The following STK31 variants were observed in gnomAD, a reference collection of about 807,000 sequenced individuals.
STK31 encodes serine/threonine-protein kinase 31.
STK31 carries 89 observed loss-of-function variants against 129.7 expected under a neutral mutation model. The observed-to-expected ratio is 0.69, with a 90% CI of 0.58 to 0.82. The LOEUF is 0.82. Ranked by LOEUF, STK31 falls within the 40% of genes least tolerant of loss-of-function variation. The pLI, the probability that STK31 is intolerant of heterozygous loss-of-function variation, is 0.00. For missense variants in STK31, 1,187 were observed against 1,176.4 expected (o/e 1.01, Z -0.13); for synonymous variants, 448 against 395.3 (o/e 1.13, Z -1.58).
At position 23,710,333 on chromosome 7, in the gene STK31, G is replaced by T. The variant is rs768174309; in HGVS notation, c.48G>T (p.Val16=). ...CTAGAGCTTCCGCAACGGAAAGTGT[G>T]AGGTCAGTAGTAGTTTTTGTGGTAC... is the stretch of plus-strand genomic sequence containing the variant. ...HSSRASATES[V]SFSGIVQMDE... The change falls in exon 1 of 24, where the codon GTG becomes GTT. Residue 16 remains valine, a splice_region_variant and synonymous_variant. Transcript: ENST00000355870. 3.7e-6 allele frequency: 6 copies of T among 1,613,400 alleles called. No individual in the cohort carries two copies. The highest frequency in any genetic ancestry group is 5.1e-6 in the Non-Finnish European group (6 of 1,179,946).
chr7:23,748,791 G>A (rs529499511), intron 8 of STK31, among the ~76,000 whole-genome samples: 1 of 152,228 alleles, frequency 6.6e-6, no homozygotes, highest in Non-Finnish European at 1.5e-5. Context: ...CTAACTGATG[G>A]CTTGTCTTAT....
Position 23,786,650 on chromosome 7 carries a change from A to C in STK31, c.2400+17A>C. On this transcript the variant is annotated intron_variant, in intron 19 of 23. Transcript: ENST00000355870. ...TTATGTAAGGTAAAGTTCTTATGCTAATCTCTTGCAGAAACCATTTTATCT... is the reference window on the plus strand; with the variant it reads ...TTATGTAAGGTAAAGTTCTTATGCTCATCTCTTGCAGAAACCATTTTATCT... The C allele has an allele frequency of 6.2e-7, 1 of 1,604,906 alleles. No homozygotes were observed. Among genetic ancestry groups the C allele is most frequent in the South Asian group, 1.1e-5 (1 of 88,350 alleles).
chr7:23,714,096 T>C (rs1033276968), intron 3 of STK31, among the ~76,000 whole-genome samples: 1 of 152,180 alleles, frequency 6.6e-6, no homozygotes, highest in African/African-American at 2.4e-5. Context: ...ACGGGACTAC[T>C]GTAGTGTGTG....
At chr7:23,795,658 G>A (rs750793457) in intron 22 of STK31, among the ~76,000 whole-genome samples, 14 of 152,326 alleles carry the variant, frequency 9.2e-5, no homozygotes, top group East Asian at 1.9e-4. Context: ...AGCCAGAAGC[G>A]GGGCTGTAGC....
intron 16 of STK31, among the ~76,000 whole-genome samples, 183 bp from the exon 17 acceptor site, chr7:23,783,400 A>T (rs923759807): frequency 3.9e-5 from 6 of 152,208 alleles, no homozygotes; most frequent in African/African-American, 1.4e-4. Context: ...AATTTGCTTT[A>T]GCAGATGCAA....
intron 23 of STK31, among the ~76,000 whole-genome samples, chr7:23,818,029 T>C (rs1044317208): frequency 5.9e-5 from 9 of 152,080 alleles, no homozygotes; most frequent in Non-Finnish European, 1.0e-4. Context: ...TTACAACATA[T>C]ATTACACAGT....
intron 15 of STK31, among the ~76,000 whole-genome samples, chr7:23,776,683 T>G (rs1790568572): frequency 6.6e-6 from 1 of 152,188 alleles, no homozygotes; most frequent in East Asian, 1.9e-4. Context: ...GATATCCCCT[T>G]TATCATTTTT....
rs571738987 is a variant in STK31, at chr7:23,736,369, A to G, written c.842+473A>G. Among the ~76,000 whole-genome samples, 10 of 152,232 alleles carry G rather than the reference A, an allele frequency of 6.6e-5. No homozygotes were observed. In the East Asian group the frequency reaches 1.5e-3, roughly 23 times the overall value. ...TTATTCCGAATACTTTACTTTTTAG[A>G]TAATTTTAAATTATCAACTTGAAGC... On this transcript the variant is annotated intron_variant, in intron 7 of 23. Transcript: ENST00000355870.
chr7:23,789,015 G>C (rs537093192), intron 21 of STK31, among the ~76,000 whole-genome samples: 13 of 152,050 alleles, frequency 8.5e-5, no homozygotes, highest in Non-Finnish European at 1.6e-4. Flanking sequence ...TGTCTCTATG[G>C]ATTTGCCTAT....
chr7:23,768,813 A>C (rs1243066574), intron 11 of STK31, among the ~76,000 whole-genome samples, 182 bp from the exon 12 acceptor site: 1 of 152,216 alleles, frequency 6.6e-6, no homozygotes, highest in Non-Finnish European at 1.5e-5. Context: ...TATGGTCCAA[A>C]TAAACCACCT....
chr7:23,712,236 G>T lies in STK31; in HGVS notation c.100G>T (p.Glu34Ter). ...CTTGTATTGTGATTTGATTTTAGTG[G>T]AAGATGTGGTTGGAAGTCACATAGA... ...MDEDTHYDKV[E>*]DVVGSHIEDA... Residue 34 changes from glutamate (E) to a stop codon, truncating the protein, a stop_gained and splice_region_variant, in exon 3 of 24, where the codon GAA becomes TAA. Coordinates refer to ENST00000355870, the MANE Select transcript of STK31 (RefSeq NM_031414.5). LOFTEE classifies it high-confidence loss of function. 6.2e-7 allele frequency: 1 copy of T among 1,614,024 alleles called. No homozygotes were observed. The highest frequency in any genetic ancestry group is 8.5e-7 in the Non-Finnish European group (1 of 1,179,956).
intron 8 of STK31, among the ~76,000 whole-genome samples, chr7:23,748,202 CAT>C (rs766220333): frequency 1.7e-4 from 26 of 152,036 alleles, no homozygotes; most frequent in African/African-American, 5.6e-4. Flanking sequence ...TTCTTTGACT[CAT>C]GTGTTATTAG....
At chr7:23,752,972 T>G (rs889542583) in intron 9 of STK31, 140 bp downstream of exon 9, 12 of 615,590 alleles carry the variant, frequency 1.9e-5, no homozygotes, top group Non-Finnish European at 3.1e-5. Flanking sequence ...AGAAAGATAG[T>G]TATTTCTGAG....
chr7:23,746,197 C>T (rs1012201803), intron 8 of STK31, among the ~76,000 whole-genome samples: 2 of 152,116 alleles, frequency 1.3e-5, no homozygotes, highest in African/African-American at 2.4e-5. Flanking sequence ...AACATGAGCT[C>T]CCTGTATGGA....
chr7:23,826,810 A>G (rs1327878931), intron 23 of STK31, among the ~76,000 whole-genome samples: 1 of 152,076 alleles, frequency 6.6e-6, no homozygotes, highest in Admixed American at 6.6e-5. Flanking sequence ...ATCTCTCAGC[A>G]TTTGCTTGTC....
intron 22 of STK31, among the ~76,000 whole-genome samples, chr7:23,807,020 A>G (rs1192712395): frequency 6.6e-6 from 1 of 152,166 alleles, no homozygotes; most frequent in Non-Finnish European, 1.5e-5. Flanking sequence ...TTGAGAGCCA[A>G]TCAAGAACCT....
At chr7:23,825,096 G>A (rs1054868575) in intron 23 of STK31, among the ~76,000 whole-genome samples, 2 of 152,062 alleles carry the variant, frequency 1.3e-5, no homozygotes, top group East Asian at 3.9e-4. Flanking sequence ...TTGGTATCAG[G>A]ATGATGCTGG....
At chr7:23,774,400 A>G (rs1161170809) in intron 15 of STK31, among the ~76,000 whole-genome samples, 1 of 152,202 alleles carries the variant, frequency 6.6e-6, no homozygotes, top group Non-Finnish European at 1.5e-5. Context: ...TCCCACCAAC[A>G]GTGTAAAAGT....
chr7:23,738,566 C>T (rs981563255), intron 8 of STK31, among the ~76,000 whole-genome samples: 3 of 151,712 alleles, frequency 2.0e-5, no homozygotes, highest in East Asian at 3.9e-4. Flanking sequence ...TTTGTGTTTT[C>T]TTTTCTTTTT....
Sources: gnomAD v4.1 joint callset for allele counts (sites outside exome capture counted in the v4.1 genomes callset) on GRCh38, gnomAD v4.1.1 for gene constraint, MANE v1.5 for transcripts, NCBI Gene and HGNC (gene_info 2026-07-23, HGNC 2026-07-21) for gene names.